The following PELP1 variants were observed in gnomAD, a reference collection of about 807,000 sequenced individuals.
The protein encoded by PELP1 is proline-, glutamic acid- and leucine-rich protein 1.
A neutral mutation model predicts 95.5 loss-of-function variants in PELP1; 32 were observed. The observed-to-expected ratio is 0.34, with a 90% confidence interval of 0.25 to 0.45. The LOEUF is 0.45. Ranked by LOEUF, PELP1 falls within the 20% of genes least tolerant of loss-of-function variation. The pLI is 1.00. For missense variants in PELP1, 1,358 were observed against 1,444.8 expected, an observed-to-expected ratio of 0.94 and a Z score of 0.97; for synonymous variants, 668 against 600.1, an observed-to-expected ratio of 1.11 and a Z score of -1.65.
chr17:4,691,432 G>C lies in PELP1; in HGVS notation c.260C>G (p.Ala87Gly). 6.2e-7 allele frequency: 1 copy of C among 1,613,018 alleles called. No individual in the cohort carries two copies. Among genetic ancestry groups the C allele is most frequent in the South Asian group, 1.1e-5 (1 of 91,058 alleles). ...ACTGAGACTCACCAATGCCCCAAGAGCTGAAAGGTTCTGGAGGAAAGAAAA... is the reference window on the plus strand; with the variant it reads ...ACTGAGACTCACCAATGCCCCAAGACCTGAAAGGTTCTGGAGGAAAGAAAA... ...GSVGGAQNLSALGALVSLSNA... is the reference protein window; with the variant it reads ...GSVGGAQNLSGLGALVSLSNA... The change falls in exon 2 of 17, where the codon GCT (alanine) becomes GGT (glycine). Residue 87 changes from alanine to glycine, a missense_variant. By Grantham distance (60) the Ala-to-Gly change is moderately conservative (BLOSUM62 0). Coordinates refer to ENST00000572293, the MANE Select transcript of PELP1 (RefSeq NM_014389.3).
intron 1 of PELP1, 86 bp downstream of exon 1, chr17:4,703,777 C>A: frequency 8.5e-7 from 1 of 1,177,004 alleles, no homozygotes; most frequent in South Asian, 1.5e-5. Context: ...ACCTCCCTAT[C>A]GCACTTGCAC....
In PELP1 at chr17:4,672,755, G is replaced by A. The variant is rs1912279250; in HGVS notation, c.2236C>T (p.Pro746Ser). Residue 746 changes from proline (P) to serine (S), a missense_variant, in exon 16 of 17, where the codon CCC (proline) becomes TCC (serine). Around this residue, in one of 7 missense-constraint regions of PELP1, gnomAD observed 340 missense variants for 322.9 expected, o/e 1.05. Coordinates refer to ENST00000572293, the MANE Select transcript of PELP1 (RefSeq NM_014389.3). The part of the protein sequence containing the change: ...EDPILAPSGT[P>S]PPTIPPDETF... The stretch of plus-strand genomic sequence containing the variant: ...TCATCTGGGGGTATAGTAGGTGGGG[G>A]AGTCCCACTAGGGGCAAGGATGGGG... 6.2e-7 allele frequency: 1 copy of A among 1,613,460 alleles called. No individual in the cohort carries two copies. The highest frequency in any genetic ancestry group is 1.3e-5 in the African/African-American group (1 of 75,048).
chr17:4,676,695 G>C, intron 6 of PELP1, 58 bp downstream of exon 6: 2 of 1,464,916 alleles, frequency 1.4e-6, no homozygotes, highest in East Asian at 4.9e-5. Flanking sequence ...AGGAGGAGCA[G>C]CAAGAGACAA....
rs1223873735 is a variant in PELP1 at position 4,704,068 on chromosome 17, G to A, written c.44C>T (p.Ala15Val). The A allele has an allele frequency of 1.2e-6, 2 of 1,611,694 alleles. No individual in the cohort carries two copies. The highest frequency in any genetic ancestry group is 2.2e-5 in the East Asian group (1 of 44,876). The change falls in exon 1 of 17, where the codon GCT (alanine) becomes GTT (valine). Residue 15 changes from alanine (A) to valine (V), a missense_variant. Around this residue, in one of 7 missense-constraint regions of PELP1, gnomAD observed 169 missense variants for 134.9 expected, o/e 1.25. Coordinates refer to ENST00000572293, the MANE Select transcript of PELP1 (RefSeq NM_014389.3). Reference sequence around the variant, plus strand: ...ACCCCCGGTCCCGCCAGGAACCCCAGCCGCGGAGCCCGCAGAGGGCCCACT... The same window carrying A: ...ACCCCCGGTCCCGCCAGGAACCCCAACCGCGGAGCCCGCAGAGGGCCCACT... ...VLSGPSAGSAAGVPGGTGGLS... is the reference protein window; with the variant it reads ...VLSGPSAGSAVGVPGGTGGLS...
At chr17:4,697,237 G>T (rs1913333918) in intron 1 of PELP1, among the ~76,000 whole-genome samples, 1 of 152,142 alleles carries the variant, frequency 6.6e-6, no homozygotes, top group Non-Finnish European at 1.5e-5. Flanking sequence ...AGAGGGGCTG[G>T]GAGGGTGACT....
intron 3 of PELP1, among the ~76,000 whole-genome samples, chr17:4,689,625 C>A (rs1369641006): frequency 6.6e-6 from 1 of 152,190 alleles, no homozygotes; most frequent in Non-Finnish European, 1.5e-5. Context: ...GGAAAAGAAG[C>A]CATTATATGA....
intron 1 of PELP1, among the ~76,000 whole-genome samples, chr17:4,697,111 A>G (rs1879053761): frequency 6.6e-6 from 1 of 152,186 alleles, no homozygotes; most frequent in African/African-American, 2.4e-5. Flanking sequence ...GAAGAGAAAC[A>G]GTGCAAGGCC....
At chr17:4,688,767 A>T (rs542290682) in intron 3 of PELP1, among the ~76,000 whole-genome samples, 111 of 152,366 alleles carry the variant, frequency 7.3e-4, no homozygotes, top group Non-Finnish European at 1.3e-3. Context: ...AAATGGCCAT[A>T]CTGCCAAAAG....
At chr17:4,683,283 C>T (rs1302295270) in intron 3 of PELP1, among the ~76,000 whole-genome samples, 22 of 148,238 alleles carry the variant, frequency 1.5e-4, no homozygotes, top group South Asian at 4.3e-4. Flanking sequence ...TGCAGTGGCG[C>T]GATCTCGGCT....
Position 4,673,010 on chromosome 17 carries a change from T to A in PELP1, c.1981A>T (p.Arg661Trp). The change falls in exon 16 of 17, where the codon AGG becomes TGG. Residue 661 changes from arginine (R) to tryptophan (W), a missense_variant. Transcript: ENST00000572293. The surrounding 1 kb of genome is among the most constrained non-coding windows in gnomAD (Gnocchi z 5.7). ...CCCGGAGGATGGAACGGTGGGGCCC[T>A]GAAGGGCGATGGGGCCTCAGGAGGG... ...VPPPEAPSPF[R>W]APPFHPPGPM... 1 of 1,541,450 alleles carries A rather than the reference T, an allele frequency of 6.5e-7. No homozygotes were observed. The highest frequency in any genetic ancestry group is 2.3e-5 in the East Asian group (1 of 44,242).
rs1379324257 is a variant in PELP1, at chr17:4,672,882, G to A, written c.2109C>T (p.Pro703=). 6.2e-7 allele frequency: 1 copy of A among 1,613,836 alleles called. No homozygotes were observed. The change falls in exon 16 of 17, where the codon CCC becomes CCT. Residue 703 remains proline, a synonymous_variant. Transcript: ENST00000572293. ...GPVPSARPGP[P]TTANHLGLSV... is the part of the protein sequence containing the mutation. ...AAAGGCCTAGGTGGTTGGCTGTGGTGGGAGGTCCAGGGCGTGCCGAGGGCA... is the reference window on the plus strand; with the variant it reads ...AAAGGCCTAGGTGGTTGGCTGTGGTAGGAGGTCCAGGGCGTGCCGAGGGCA...
chr17:4,704,038 G>A lies in PELP1; in HGVS notation c.74C>T (p.Ser25Leu), dbSNP rs1913671495. The A allele has an allele frequency of 3.7e-6, 6 of 1,612,816 alleles. No homozygotes were observed. In the East Asian group the frequency reaches 8.9e-5, roughly 24 times the overall value. ...AGVPGGTGGLSAVSSGPRLRL... is the reference protein window; with the variant it reads ...AGVPGGTGGLLAVSSGPRLRL... Reference sequence around the variant, plus strand: ...GAGCCGCGGGCCCGAGCTCACTGCCGAGAGACCCCCGGTCCCGCCAGGAAC... The same window carrying A: ...GAGCCGCGGGCCCGAGCTCACTGCCAAGAGACCCCCGGTCCCGCCAGGAAC... Residue 25 changes from serine (S) to leucine (L), a missense_variant, in exon 1 of 17, where the codon TCG becomes TTG. Ser to Leu is a moderately radical substitution (Grantham distance 145). Transcript: ENST00000572293.
In PELP1 at chr17:4,703,964, C is replaced by G. The variant is rs758092652; in HGVS notation, c.148G>C (p.Gly50Arg). The G allele has an allele frequency of 2.5e-5, 41 of 1,613,496 alleles. No homozygotes were observed. In the Admixed American group the frequency reaches 3.8e-4, roughly 15 times the overall value. ...GGATGCACCGGAGCAACGGCAGACC[C>G]CGTTCGAGGTTGCAGCAAACCAGAA... ...SVSGLLQPRT[G>R]SAVAPVHPPN... is the part of the protein sequence containing the mutation. Residue 50 changes from glycine (G) to arginine (R), a missense_variant, in exon 1 of 17, where the codon GGG (glycine) becomes CGG (arginine). Around this residue, in one of 7 missense-constraint regions of PELP1, gnomAD observed 169 missense variants for 134.9 expected, o/e 1.25. Coordinates refer to ENST00000572293, the MANE Select transcript of PELP1 (RefSeq NM_014389.3).
At chr17:4,687,879 A>C (rs1236938329) in intron 3 of PELP1, among the ~76,000 whole-genome samples, 1 of 152,232 alleles carries the variant, frequency 6.6e-6, no homozygotes. Flanking sequence ...TTAAAAGAGC[A>C]ACAAAGTATG....
chr17:4,674,536 C>T lies in PELP1; in HGVS notation c.1556G>A (p.Ser519Asn), dbSNP rs896638032. 6.2e-7 allele frequency: 1 copy of T among 1,613,278 alleles called. No individual in the cohort carries two copies. The highest frequency in any genetic ancestry group is 8.5e-7 in the Non-Finnish European group (1 of 1,179,590). Residue 519 changes from serine (S) to asparagine (N), a missense_variant, in exon 13 of 17, where the codon AGC (serine) becomes AAC (asparagine). Transcript: ENST00000572293. ...TCTGAGTGCAGCCGCACACACGTCG[C>T]TGTTGGCATTGCTATCCCCTTTCCG... is the stretch of plus-strand genomic sequence containing the variant. ...SHRKGDSNAN[S>N]DVCAAALRGL...
intron 1 of PELP1, among the ~76,000 whole-genome samples, chr17:4,703,081 T>C (rs1885613682): frequency 6.6e-6 from 1 of 152,148 alleles, no homozygotes; most frequent in African/African-American, 2.4e-5. Flanking sequence ...GGTTATCAGA[T>C]TCCATTCTTA....
rs537086320 is a variant in PELP1, at chr17:4,701,242, A to G, written c.249+2621T>C. Among the ~76,000 whole-genome samples the G allele has an allele frequency of 2.0e-5, 3 of 151,640 alleles. No homozygotes were observed. In the East Asian group the frequency reaches 5.9e-4, roughly 30 times the overall value. On this transcript the variant is annotated intron_variant, in intron 1 of 16. Coordinates refer to ENST00000572293, the MANE Select transcript of PELP1 (RefSeq NM_014389.3). ...CAGACAGTAGGATAAAGAGCAGTCA[A>G]TCATAGGTGGCCAAGAAATATATCC...
Position 4,671,704 on chromosome 17 carries a change from G to C in PELP1, c.3287C>G (p.Ala1096Gly), listed in dbSNP as rs753617618. The change falls in exon 16 of 17, where the codon GCT becomes GGT. Residue 1096 changes from alanine (A) to glycine (G), a missense_variant. Physicochemically the swap from Ala to Gly is moderately conservative, Grantham distance 60. Coordinates refer to ENST00000572293, the MANE Select transcript of PELP1 (RefSeq NM_014389.3). ...EEMETETEAEALQEKEQDDTA... is the reference protein window; with the variant it reads ...EEMETETEAEGLQEKEQDDTA... ...CTGGCCTCTCACCTTTTCCTGGAGA[G>C]CTTCGGCCTCTGTCTCTGTCTCCAT... 1 of 1,563,738 alleles carries C rather than the reference G, an allele frequency of 6.4e-7. No individual in the cohort carries two copies. The highest frequency in any genetic ancestry group is 8.6e-7 in the Non-Finnish European group (1 of 1,159,836).
At position 4,671,250 on chromosome 17, in the gene PELP1, TG is replaced by T. The variant is rs1912185530; in HGVS notation, c.*188del. Reference sequence around the variant, plus strand: ...GACAGTCCATTACACCAATGTCAGTTGTTCCTCTCTGGATCGTCAAAAAGAG... The same window carrying T: ...GACAGTCCATTACACCAATGTCAGTTTTCCTCTCTGGATCGTCAAAAAGAG... On this transcript the variant is annotated 3_prime_UTR_variant, in exon 17 of 17. Coordinates refer to ENST00000572293, the MANE Select transcript of PELP1 (RefSeq NM_014389.3). 1 of 600,194 alleles carries T rather than the reference TG, an allele frequency of 1.7e-6. No homozygotes were observed. The highest frequency in any genetic ancestry group is 2.9e-5 in the Admixed American group (1 of 34,000). 37.2% of individuals were successfully genotyped at this position (600,194 alleles called of 1,614,324 possible). A position where few individuals can be genotyped will look rare whatever the true frequency, so the allele number is the denominator to read the frequency against.
Sources: gnomAD v4.1 joint callset for allele counts (sites outside exome capture counted in the v4.1 genomes callset) on GRCh38, gnomAD v4.1.1 for gene constraint, gnomAD v4.1.1 regional missense constraint, Gnocchi (gnomAD v3.1) non-coding constraint, MANE v1.5 for transcripts, NCBI Gene and HGNC (gene_info 2026-07-23, HGNC 2026-07-21) for gene names.